Variants in PRH1 observed in about 807,000 individuals in gnomAD.
The protein encoded by PRH1 is proline rich protein HaeIII subfamily 1.
A neutral mutation model predicts 7.9 loss-of-function variants in PRH1; 7 were observed. The ratio of observed to expected loss-of-function variants is 0.89; its 90% CI spans 0.50 to 1.67. The LOEUF (loss-of-function observed/expected upper bound fraction) is 1.67, where lower values mean the gene tolerates loss of function less well. Ranked by LOEUF, PRH1 falls within the 40% of genes most tolerant of loss-of-function variation. The pLI is 0.00. For missense variants in PRH1, 109 were observed against 223.6 expected (o/e 0.49, Z 3.27); for synonymous variants, 45 against 80.8 (o/e 0.56, Z 2.38).
At chr12:11,097,070 T>A (rs1945090868) in intron 1 of PRH1, 1 of 134,420 alleles carries the variant, frequency 7.4e-6, no homozygotes, top group South Asian at 9.2e-5. Flanking sequence ...AGTGCTGGGA[T>A]TACAGGCGTG....
Position 10,945,683 on chromosome 12 carries a change from G to A in PRH1, c.-59+27972C>T, listed in dbSNP as rs111606959. Among the ~76,000 whole-genome samples, 628 of 152,306 alleles carry A rather than the reference G, an allele frequency of 4.1e-3. 6 individuals carry two copies. Among genetic ancestry groups the A allele is most frequent in the African/African-American group, 0.014 (585 of 41,564 alleles). On this transcript the variant is annotated intron_variant, in intron 2 of 3. Transcript: ENST00000539853. ...TATCAGGAGACAGGGTTTGAGAGCA[G>A]ACAACCGGTTTGACCAAAATTTATT...
chr12:11,022,063 T>C (rs2136074458), intron 1 of PRH1: 3 of 1,613,914 alleles, frequency 1.9e-6, no homozygotes, highest in Non-Finnish European at 2.5e-6. Context: ...GTGTATTGCA[T>C]TCCTCAATTT....
intron 1 of PRH1, among the ~76,000 whole-genome samples, chr12:11,129,556 G>A (rs1476909065): frequency 6.6e-6 from 1 of 152,288 alleles, no homozygotes; most frequent in Non-Finnish European, 1.5e-5. Flanking sequence ...TAACCTATCT[G>A]GCCTCTACCA....
chr12:10,993,345 AC>A (rs1940037195), intron 1 of PRH1, among the ~76,000 whole-genome samples: 1 of 152,180 alleles, frequency 6.6e-6, no homozygotes, highest in Non-Finnish European at 1.5e-5. Context: ...ATTTTGCAAA[AC>A]ATCATGCTAA....
intron 1 of PRH1, among the ~76,000 whole-genome samples, chr12:11,020,363 G>GAGAT (rs1565557194): frequency 5.9e-4 from 52 of 87,586 alleles, no homozygotes; most frequent in Middle Eastern, 7.8e-3. Context: ...TATGATAAGC[G>GAGAT]ATATATATAT....
At chr12:10,975,409 G>A (rs1388132894) in intron 1 of PRH1, among the ~76,000 whole-genome samples, 1 of 152,140 alleles carries the variant, frequency 6.6e-6, no homozygotes, top group African/African-American at 2.4e-5. Flanking sequence ...TGCCTCACAA[G>A]GGGTCCTGAA....
intron 1 of PRH1, among the ~76,000 whole-genome samples, chr12:11,055,952 G>A (rs1267742695): frequency 3.3e-5 from 5 of 152,252 alleles, no homozygotes; most frequent in East Asian, 1.9e-4. Context: ...TAAAAATCTC[G>A]TTGCTGCCAA....
chr12:11,045,273 A>T (rs1942862051), intron 1 of PRH1, among the ~76,000 whole-genome samples: 1 of 151,288 alleles, frequency 6.6e-6, no homozygotes, highest in African/African-American at 2.4e-5. Flanking sequence ...AGGCTGGGAA[A>T]GGTAGTGGAG....
downstream of PRH1, among the ~76,000 whole-genome samples, chr12:11,118,899 G>A (rs1945808107): frequency 6.6e-6 from 1 of 150,888 alleles, no homozygotes. Flanking sequence ...GGAGGCTGAG[G>A]CAGGAGAACC....
chr12:10,885,761 G>T (rs1399015469), upstream of PRH1, among the ~76,000 whole-genome samples: 2 of 152,176 alleles, frequency 1.3e-5, no homozygotes, highest in Admixed American at 6.5e-5. Context: ...CACTTTTTGT[G>T]CATGGTTAGT....
chr12:11,084,266 C>T (rs1944604745), intron 1 of PRH1, among the ~76,000 whole-genome samples: 2 of 89,662 alleles, frequency 2.2e-5, no homozygotes, highest in African/African-American at 6.6e-5. Flanking sequence ...AATTTTCTGT[C>T]GAAGTGTTGG....
At chr12:11,166,733 T>C (rs1402223482) in intron 1 of PRH1, among the ~76,000 whole-genome samples, 1 of 152,242 alleles carries the variant, frequency 6.6e-6, no homozygotes, top group Admixed American at 6.5e-5. Flanking sequence ...CAAATTATCA[T>C]AAATTTAGTG....
chr12:11,096,794 T>TTG lies in PRH1; in HGVS notation n.124-49607_124-49606insCA, dbSNP rs1565650418. Among the ~76,000 whole-genome samples the TTG allele has an allele frequency of 6.2e-5, 7 of 113,664 alleles. 2 individuals are homozygous for TTG. The highest frequency in any genetic ancestry group is 1.2e-4 in the African/African-American group (4 of 33,960). The allele number at this position is 113,664 out of a possible 152,430, so 74.6% of individuals were successfully genotyped here. A position where few individuals can be genotyped will look rare whatever the true frequency, so the allele number is the denominator to read the frequency against. On this transcript the variant is annotated intron_variant and non_coding_transcript_variant, in intron 1 of 4. Coordinates refer to the PRH1 transcript ENST00000541977. Reference sequence around the variant, plus strand: ...TAAATTTTATGCGGTTTTTGTTTTTTTTGTTGTTGTTGTTGTTGTTTTTGA... The same window carrying TTG: ...TAAATTTTATGCGGTTTTTGTTTTTTTGTTGTTGTTGTTGTTGTTGTTTTTGA...
chr12:11,110,851 C>T (rs566957199), intron 1 of PRH1, among the ~76,000 whole-genome samples: 12 of 152,278 alleles, frequency 7.9e-5, no homozygotes, highest in African/African-American at 2.9e-4. Context: ...TTAAAAGGCA[C>T]AGACCAGCAA....
intron 1 of PRH1, among the ~76,000 whole-genome samples, chr12:10,980,216 A>C (rs1417679344): frequency 6.6e-6 from 1 of 152,182 alleles, no homozygotes; most frequent in Non-Finnish European, 1.5e-5. Context: ...TGGAGCAAAA[A>C]CTTAAGAACT....
chr12:10,913,234 A>C (rs1309765689), intron 2 of PRH1, among the ~76,000 whole-genome samples: 1 of 152,142 alleles, frequency 6.6e-6, no homozygotes, highest in Non-Finnish European at 1.5e-5. Flanking sequence ...CGGGTGGATC[A>C]TGAGGTCAGG....
chr12:11,004,933 C>G (rs1433317014), intron 1 of PRH1, among the ~76,000 whole-genome samples: 2 of 152,062 alleles, frequency 1.3e-5, no homozygotes, highest in African/African-American at 4.8e-5. Context: ...CAAATTCTAC[C>G]ATTACCAGTA....
Position 11,067,376 on chromosome 12 carries a change from T to C in PRH1, n.124-20188A>G, listed in dbSNP as rs759019951. Among the ~76,000 whole-genome samples, 530 of 152,298 alleles carry C rather than the reference T, an allele frequency of 3.5e-3. 2 individuals carry two copies. The highest frequency in any genetic ancestry group is 5.6e-3 in the Non-Finnish European group (384 of 67,996). ...TCTATATATTTAACCTCCATCATAC[T>C]ATAATTTATTGGAAATTCATGACTT... On this transcript the variant is annotated intron_variant and non_coding_transcript_variant, in intron 1 of 4. Coordinates refer to the PRH1 transcript ENST00000541977.
intron 1 of PRH1, among the ~76,000 whole-genome samples, chr12:11,007,286 A>G (rs547467368): frequency 1.1e-4 from 16 of 152,234 alleles, no homozygotes; most frequent in Middle Eastern, 6.8e-3. Context: ...ATTGTTAACA[A>G]GCTCATAAAC....
Sources: gnomAD v4.1 joint callset for allele counts (sites outside exome capture counted in the v4.1 genomes callset) on GRCh38, gnomAD v4.1.1 for gene constraint, MANE v1.5 for transcripts, NCBI Gene and HGNC (gene_info 2026-07-23, HGNC 2026-07-21) for gene names.